Variants in CTNNA3 observed in about 807,000 individuals in gnomAD.
The protein encoded by CTNNA3 is catenin alpha-3.
Under a neutral mutation model 95.7 loss-of-function variants are expected in CTNNA3, and 76 were observed. That is an observed-to-expected ratio of 0.79 (90% CI 0.66 to 0.96). The LOEUF (loss-of-function observed/expected upper bound fraction) is 0.96, where lower values mean the gene tolerates loss of function less well. Among genes scored for constraint, CTNNA3 ranks in the 40% least tolerant of loss-of-function variants. The probability of loss-of-function intolerance (pLI) is 0.00; values close to 1 mark genes in which losing one functional copy is unlikely to be tolerated. For missense variants in CTNNA3, 1,191 were observed against 1,089.8 expected (o/e 1.09, Z -1.31); for synonymous variants, 431 against 374.4 (o/e 1.15, Z -1.74).
At chr10:66,408,801 G>A (rs2093077301) in intron 11 of CTNNA3, among the ~76,000 whole-genome samples, 1 of 152,104 alleles carries the variant, frequency 6.6e-6, no homozygotes, top group African/African-American at 2.4e-5. Flanking sequence ...ATAAAACCTA[G>A]CTGAAATGAA....
intron 11 of CTNNA3, among the ~76,000 whole-genome samples, chr10:66,498,887 T>C (rs939965008): frequency 2.6e-5 from 4 of 152,146 alleles, no homozygotes; most frequent in Admixed American, 2.6e-4. Context: ...CTCTGAAACA[T>C]AAACAGAGTA....
At position 65,917,028 on chromosome 10, in the gene CTNNA3, AG is replaced by A. The variant is rs2133095360; in HGVS notation, c.*3301del. The A allele has an allele frequency of 6.6e-6, 1 of 152,260 alleles. No individual in the cohort carries two copies. The highest frequency in any genetic ancestry group is 2.1e-4 in the South Asian group (1 of 4,822). The allele number at this position is 152,260 out of a possible 1,614,324, so 9.4% of individuals were successfully genotyped here. ...TGAAACCGACTGCCTTTGAAGCTAA[AG>A]GTGTTAAGAATGCCAGACTGCAAGA... On this transcript the variant is annotated 3_prime_UTR_variant, in exon 18 of 18. Transcript: ENST00000433211.
chr10:66,723,841 G>A (rs1387578141), intron 9 of CTNNA3, among the ~76,000 whole-genome samples: 1 of 152,180 alleles, frequency 6.6e-6, no homozygotes, highest in Non-Finnish European at 1.5e-5. Flanking sequence ...TGTTAGAACA[G>A]CCTTGTCAGG....
intron 13 of CTNNA3, among the ~76,000 whole-genome samples, chr10:66,142,081 C>T (rs1403026948): frequency 6.6e-6 from 1 of 152,042 alleles, no homozygotes; most frequent in Non-Finnish European, 1.5e-5. Flanking sequence ...ACGTCTTTGC[C>T]AAAGCTGTTT....
At chr10:67,557,307 T>C (rs1339966722) in intron 3 of CTNNA3, among the ~76,000 whole-genome samples, 2 of 152,218 alleles carry the variant, frequency 1.3e-5, no homozygotes, top group Non-Finnish European at 2.9e-5. Flanking sequence ...TAATAAACCA[T>C]ACATAGTAGA....
At chr10:66,396,251 C>A (rs916118238) in intron 11 of CTNNA3, among the ~76,000 whole-genome samples, 2 of 151,762 alleles carry the variant, frequency 1.3e-5, no homozygotes, top group Non-Finnish European at 2.9e-5. Context: ...TATGCAGGAG[C>A]CAAAATCTTA....
intron 12 of CTNNA3, among the ~76,000 whole-genome samples, chr10:66,304,937 C>T (rs2132239164): frequency 6.6e-6 from 1 of 152,096 alleles, no homozygotes; most frequent in Middle Eastern, 3.4e-3. Flanking sequence ...ATATATATTT[C>T]CTAGTTTTCA....
At chr10:67,275,475 T>C (rs1316455106) in intron 5 of CTNNA3, among the ~76,000 whole-genome samples, 1 of 152,114 alleles carries the variant, frequency 6.6e-6, no homozygotes, top group Non-Finnish European at 1.5e-5. Flanking sequence ...AATATTTGTG[T>C]TAGAAATTAT....
At chr10:67,634,785 A>G (rs1488271600) in intron 2 of CTNNA3, among the ~76,000 whole-genome samples, 1 of 152,220 alleles carries the variant, frequency 6.6e-6, no homozygotes, top group East Asian at 1.9e-4. Flanking sequence ...TAACTATCCT[A>G]TATACATACA....
intron 4 of CTNNA3, among the ~76,000 whole-genome samples, chr10:67,532,110 C>G (rs528251801): frequency 2.4e-4 from 37 of 152,286 alleles, no homozygotes; most frequent in African/African-American, 7.2e-4. Context: ...TAAAGTATGT[C>G]TTTATCAGCA....
At chr10:67,244,930 T>A (rs1304802309) in intron 5 of CTNNA3, among the ~76,000 whole-genome samples, 4 of 152,192 alleles carry the variant, frequency 2.6e-5, no homozygotes, top group African/African-American at 9.7e-5. Context: ...AAACACTTTG[T>A]TGTCATCTTT....
intron 7 of CTNNA3, among the ~76,000 whole-genome samples, chr10:67,022,118 C>T (rs17279376): frequency 0.11 from 16,735 of 151,746 alleles, 1,150 homozygotes; most frequent in South Asian, 0.28. Flanking sequence ...TATTTGAAGC[C>T]AAAGGAGTGG....
At chr10:67,139,249 C>T (rs1196227109) in intron 7 of CTNNA3, among the ~76,000 whole-genome samples, 1 of 151,794 alleles carries the variant, frequency 6.6e-6, no homozygotes, top group Non-Finnish European at 1.5e-5. Flanking sequence ...TCTCCTGCTT[C>T]AGCCTCCCGA....
At chr10:66,035,326 T>C (rs2133471547) in intron 15 of CTNNA3, among the ~76,000 whole-genome samples, 1 of 152,278 alleles carries the variant, frequency 6.6e-6, no homozygotes, top group East Asian at 1.9e-4. Flanking sequence ...AAAGCACTTT[T>C]CCTCTCACCT....
intron 1 of CTNNA3, among the ~76,000 whole-genome samples, chr10:67,752,222 C>A (rs1222309003): frequency 2.6e-5 from 4 of 152,174 alleles, no homozygotes; most frequent in African/African-American, 9.7e-5. Flanking sequence ...AAGACAAAAG[C>A]CACACAATTA....
intron 5 of CTNNA3, among the ~76,000 whole-genome samples, chr10:67,255,530 CT>C (rs1866311613): frequency 6.6e-6 from 1 of 152,160 alleles, no homozygotes; most frequent in Admixed American, 6.6e-5. Context: ...GTGCTTACTG[CT>C]ATACCCGCTT....
chr10:67,615,766 G>A (rs748662406), intron 2 of CTNNA3, among the ~76,000 whole-genome samples: 3 of 149,038 alleles, frequency 2.0e-5, no homozygotes, highest in Admixed American at 6.8e-5. Flanking sequence ...GGGTTCAAGC[G>A]ATTCTCGTGC....
At chr10:66,447,354 C>G (rs1158867772) in intron 11 of CTNNA3, among the ~76,000 whole-genome samples, 2 of 145,578 alleles carry the variant, frequency 1.4e-5, no homozygotes, top group East Asian at 2.0e-4. Context: ...CAAAAAAGAG[C>G]CCGCATCGCC....
intron 10 of CTNNA3, among the ~76,000 whole-genome samples, chr10:66,527,108 G>A (rs2132038138): frequency 6.6e-6 from 1 of 152,174 alleles, no homozygotes; most frequent in East Asian, 1.9e-4. Context: ...TTTGTATATG[G>A]CACAAGGTGG....
Sources: allele counts gnomAD v4.1 joint callset (sites outside exome capture counted in the v4.1 genomes callset), GRCh38; gene constraint gnomAD v4.1.1; transcripts MANE v1.5; gene names NCBI Gene and HGNC (gene_info 2026-07-23, HGNC 2026-07-21).